Variants in SGCZ observed in about 807,000 individuals in gnomAD.
SGCZ encodes zeta-sarcoglycan.
SGCZ carries 40 observed loss-of-function variants against 41.3 expected under a neutral mutation model. The ratio of observed to expected loss-of-function variants is 0.97; its 90% CI spans 0.75 to 1.26. SGCZ has a LOEUF of 1.26. Ranked by LOEUF, SGCZ falls within the 50% of genes most tolerant of loss-of-function variation. The probability of loss-of-function intolerance (pLI) is 0.00; values close to 1 mark genes in which losing one functional copy is unlikely to be tolerated. For missense variants in SGCZ, 552 were observed against 369.8 expected (o/e 1.49, Z -4.04); for synonymous variants, 206 against 137.5 (o/e 1.50, Z -3.49).
intron 1 of SGCZ, among the ~76,000 whole-genome samples, chr8:14,633,418 T>C (rs1176603804): frequency 1.3e-5 from 2 of 152,010 alleles, no homozygotes; most frequent in Non-Finnish European, 2.9e-5. Context: ...TTCTTTTGAA[T>C]AAGTAACCTA....
intron 1 of SGCZ, among the ~76,000 whole-genome samples, chr8:15,158,915 A>C (rs1188786955): frequency 6.6e-6 from 1 of 152,196 alleles, no homozygotes; most frequent in Non-Finnish European, 1.5e-5. Context: ...GTATTGTCAA[A>C]TATATATTTG....
At chr8:14,171,333 CT>C (rs1362093226) in intron 4 of SGCZ, among the ~76,000 whole-genome samples, 9 of 152,038 alleles carry the variant, frequency 5.9e-5, no homozygotes, top group African/African-American at 2.2e-4. Flanking sequence ...AAAAAGAGAT[CT>C]TCATGTTGCA....
rs114393435 is a variant in SGCZ, at chr8:15,222,613, T to A, written c.39+14972A>T. Among the ~76,000 whole-genome samples the A allele has an allele frequency of 4.5e-3, 691 of 152,334 alleles. 2 individuals are homozygous for A. The highest frequency in any genetic ancestry group is 0.016 in the African/African-American group (660 of 41,574). On this transcript the variant is annotated intron_variant, in intron 1 of 7. Coordinates refer to ENST00000382080, the MANE Select transcript of SGCZ (RefSeq NM_139167.4). Reference sequence around the variant, plus strand: ...AATCATTTATTTTAGCACCTTCATTTTGCATTTGTGGTAAATAATTATATT... The same window carrying A: ...AATCATTTATTTTAGCACCTTCATTATGCATTTGTGGTAAATAATTATATT...
At chr8:14,737,406 C>G (rs1008673668) in intron 1 of SGCZ, among the ~76,000 whole-genome samples, 1 of 151,962 alleles carries the variant, frequency 6.6e-6, no homozygotes, top group East Asian at 1.9e-4. Flanking sequence ...TTAAGTTGTA[C>G]CTTTTTTATT....
chr8:15,032,920 C>T (rs1423459724), intron 1 of SGCZ, among the ~76,000 whole-genome samples: 1 of 151,788 alleles, frequency 6.6e-6, no homozygotes, highest in African/African-American at 2.4e-5. Flanking sequence ...CCCCAGAATA[C>T]AGACCAGCCC....
At chr8:14,230,189 T>C (rs771874975) in intron 4 of SGCZ, among the ~76,000 whole-genome samples, 9 of 152,040 alleles carry the variant, frequency 5.9e-5, no homozygotes, top group East Asian at 1.9e-4. Flanking sequence ...AGGTAAAAAG[T>C]AGTTTTTCAT....
intron 1 of SGCZ, among the ~76,000 whole-genome samples, chr8:15,164,793 G>C (rs1799608268): frequency 6.6e-6 from 1 of 152,132 alleles, no homozygotes; most frequent in Non-Finnish European, 1.5e-5. Context: ...TGTATGGTTA[G>C]TGCTGCAAGC....
At chr8:14,530,919 G>A (rs1047872808) in intron 2 of SGCZ, among the ~76,000 whole-genome samples, 1 of 151,972 alleles carries the variant, frequency 6.6e-6, no homozygotes, top group East Asian at 1.9e-4. Flanking sequence ...GGTAAGTGAG[G>A]CTCTACTACA....
chr8:14,277,211 C>T (rs944829511), intron 3 of SGCZ, among the ~76,000 whole-genome samples: 11 of 152,130 alleles, frequency 7.2e-5, no homozygotes, highest in Non-Finnish European at 1.0e-4. Context: ...GTGCCAATGT[C>T]CCCATTACTG....
At chr8:14,157,265 TATATATATAAA>T (rs1489984616) in intron 5 of SGCZ, among the ~76,000 whole-genome samples, 3 of 149,132 alleles carry the variant, frequency 2.0e-5, no homozygotes, top group Non-Finnish European at 4.4e-5. Context: ...CATAATTTTA[TATATATATAAA>T]ATGTATATAC....
intron 1 of SGCZ, among the ~76,000 whole-genome samples, chr8:14,830,639 A>G (rs1802494460): frequency 1.3e-5 from 2 of 152,204 alleles, no homozygotes; most frequent in East Asian, 3.8e-4. Context: ...CAGAGTAGAC[A>G]AAACTAATAA....
intron 1 of SGCZ, among the ~76,000 whole-genome samples, chr8:15,031,746 T>C (rs1177128671): frequency 6.6e-6 from 1 of 151,882 alleles, no homozygotes; most frequent in Non-Finnish European, 1.5e-5. Flanking sequence ...CCCTAAAGAG[T>C]AGTAATATTA....
chr8:14,340,638 G>A (rs912178411), intron 2 of SGCZ, among the ~76,000 whole-genome samples: 1 of 152,100 alleles, frequency 6.6e-6, no homozygotes, highest in Non-Finnish European at 1.5e-5. Context: ...TTTATAGAAT[G>A]TTCAAAAGTA....
At position 14,190,014 on chromosome 8, in the gene SGCZ, C is replaced by CTTTCTTT. The variant is rs757923069; in HGVS notation, c.425-25313_425-25312insAAAGAAA. ...GAATCTACTTTTTCTTTCTTTCTTT[C>CTTTCTTT]TTTTTTTTTTTTTTTTGAGACGGAC... is the stretch of plus-strand genomic sequence containing the variant. On this transcript the variant is annotated intron_variant, in intron 4 of 7. Coordinates refer to ENST00000382080, the MANE Select transcript of SGCZ (RefSeq NM_139167.4). Among the ~76,000 whole-genome samples, 12 of 100,190 alleles carry CTTTCTTT rather than the reference C, an allele frequency of 1.2e-4. 1 individual carries two copies. The highest frequency in any genetic ancestry group is 5.4e-4 in the Admixed American group (4 of 7,422). 65.7% of individuals were successfully genotyped at this position (100,190 alleles called of 152,430 possible). A position where few individuals can be genotyped will look rare whatever the true frequency, so the allele number is the denominator to read the frequency against.
chr8:14,474,043 A>C (rs1298679286), intron 2 of SGCZ, among the ~76,000 whole-genome samples: 2 of 152,146 alleles, frequency 1.3e-5, no homozygotes, highest in African/African-American at 4.8e-5. Flanking sequence ...TGGGAGGACA[A>C]GATTGGGGAA....
chr8:14,993,010 C>T (rs1302064167), intron 1 of SGCZ, among the ~76,000 whole-genome samples: 1 of 151,634 alleles, frequency 6.6e-6, no homozygotes, highest in African/African-American at 2.4e-5. Flanking sequence ...TGATATTTAC[C>T]TCACCCATCC....
At chr8:15,101,221 T>G (rs999092050) in intron 1 of SGCZ, among the ~76,000 whole-genome samples, 1 of 152,186 alleles carries the variant, frequency 6.6e-6, no homozygotes, top group Non-Finnish European at 1.5e-5. Flanking sequence ...AAATGTATAA[T>G]CCATGAAATT....
chr8:14,108,197 G>C lies in SGCZ; in HGVS notation c.586C>G (p.Pro196Ala). Residue 196 changes from proline to alanine, a missense_variant, in exon 6 of 8, where the codon CCG becomes GCG. Transcript: ENST00000382080. ...GAVFGHSVET[P>A]HIRAEPSQDL... ...TGGGATGGCTCTGCTCTGATGTGCG[G>C]CGTCTCCACAGAGTGCCCAAATACG... The C allele has an allele frequency of 6.2e-7, 1 of 1,614,110 alleles. No homozygotes were observed. Among genetic ancestry groups the C allele is most frequent in the South Asian group, 1.1e-5 (1 of 91,082 alleles).
chr8:15,221,277 A>G (rs1010672238), intron 1 of SGCZ, among the ~76,000 whole-genome samples: 2 of 152,208 alleles, frequency 1.3e-5, no homozygotes, highest in Admixed American at 6.5e-5. Context: ...ACTTAACTGC[A>G]AATGAAATAA....
Sources: gnomAD v4.1 joint callset for allele counts (sites outside exome capture counted in the v4.1 genomes callset) on GRCh38, gnomAD v4.1.1 for gene constraint, MANE v1.5 for transcripts, NCBI Gene and HGNC (gene_info 2026-07-23, HGNC 2026-07-21) for gene names.